The following DOCK9 variants were observed in gnomAD, a reference collection of about 807,000 sequenced individuals.
The protein encoded by DOCK9 is dedicator of cytokinesis protein 9.
DOCK9 carries 89 observed loss-of-function variants against 263.3 expected under a neutral mutation model. That is an observed-to-expected ratio of 0.34 (90% CI 0.28 to 0.40). DOCK9 has a LOEUF of 0.40. DOCK9 is among the 10% of genes least tolerant of loss of function. DOCK9 has a pLI of 1.00. For missense variants in DOCK9, 2,140 were observed against 2,603.4 expected, an observed-to-expected ratio of 0.82 and a Z score of 3.87; for synonymous variants, 976 against 973.1, an observed-to-expected ratio of 1.00 and a Z score of -0.06.
intron 15 of DOCK9, among the ~76,000 whole-genome samples, chr13:98,890,085 G>A (rs372040279): frequency 6.6e-6 from 1 of 152,040 alleles, no homozygotes; most frequent in Admixed American, 6.6e-5. Flanking sequence ...TCATCGTATT[G>A]TGTTTGAGCT....
chr13:98,999,599 G>A (rs879864260), intron 1 of DOCK9, among the ~76,000 whole-genome samples: 5 of 148,464 alleles, frequency 3.4e-5, no homozygotes, highest in Non-Finnish European at 7.4e-5. Flanking sequence ...TTCTTTTCAT[G>A]TTTCTTTTTT....
chr13:98,846,662 G>C (rs1363732507), intron 37 of DOCK9: 3 of 793,706 alleles, frequency 3.8e-6, no homozygotes, highest in Admixed American at 2.0e-5. Context: ...AATGAGACCA[G>C]GGCTGCAATG....
chr13:99,045,278 T>C (rs1295716966), intron 1 of DOCK9, among the ~76,000 whole-genome samples: 2 of 152,130 alleles, frequency 1.3e-5, no homozygotes, highest in African/African-American at 4.8e-5. Context: ...AGTGGATAAA[T>C]GGATAAATAA....
intron 1 of DOCK9, among the ~76,000 whole-genome samples, chr13:99,022,987 T>C (rs1371663736): frequency 1.3e-5 from 2 of 152,112 alleles, no homozygotes; most frequent in Non-Finnish European, 2.9e-5. Context: ...GGGAGAAACA[T>C]TTAAGAAAAA....
intron 33 of DOCK9, 81 bp from the exon 34 acceptor site, chr13:98,856,112 G>GAA: frequency 7.0e-7 from 1 of 1,438,470 alleles, no homozygotes; most frequent in Non-Finnish European, 9.5e-7. Flanking sequence ...AAGGGAAATT[G>GAA]CTTTTATTGC....
At chr13:99,030,307 A>C (rs1041530525) in intron 1 of DOCK9, among the ~76,000 whole-genome samples, 2 of 152,276 alleles carry the variant, frequency 1.3e-5, no homozygotes, top group African/African-American at 4.8e-5. Flanking sequence ...GGCATATGAA[A>C]TAAATCATAA....
At chr13:98,885,480 C>A in intron 20 of DOCK9, 1 of 514,788 alleles carries the variant, frequency 1.9e-6, no homozygotes, top group South Asian at 2.3e-5. Context: ...TGGTGCGTGC[C>A]TGTAGTCCCA....
At chr13:98,914,011 C>T (rs534738774) in intron 9 of DOCK9, among the ~76,000 whole-genome samples, 5 of 152,128 alleles carry the variant, frequency 3.3e-5, no homozygotes, top group African/African-American at 4.8e-5. Flanking sequence ...ATAGAAAGTA[C>T]GATGCTATTA....
intron 14 of DOCK9, among the ~76,000 whole-genome samples, chr13:98,897,893 C>A (rs1479425900): frequency 6.6e-6 from 1 of 152,208 alleles, no homozygotes; most frequent in Non-Finnish European, 1.5e-5. Context: ...CCAGGCCTCA[C>A]TGGATTGCCC....
intron 1 of DOCK9, among the ~76,000 whole-genome samples, chr13:99,030,853 C>T (rs966432972): frequency 1.1e-4 from 16 of 152,200 alleles, no homozygotes. Flanking sequence ...CCACTCCCCA[C>T]ACTAATGTTA....
At chr13:98,918,123 A>G (rs1397976444) in intron 7 of DOCK9, among the ~76,000 whole-genome samples, 2 of 152,232 alleles carry the variant, frequency 1.3e-5, no homozygotes, top group African/African-American at 4.8e-5. Context: ...CTGTTTTCAG[A>G]TAGGGGACAA....
chr13:98,894,330 G>A (rs563418341), intron 15 of DOCK9, among the ~76,000 whole-genome samples: 2 of 152,266 alleles, frequency 1.3e-5, no homozygotes, highest in South Asian at 2.1e-4. Flanking sequence ...TAAAGTGGAA[G>A]GTGAAATATC....
intron 1 of DOCK9, among the ~76,000 whole-genome samples, chr13:99,014,986 A>T (rs760947079): frequency 6.6e-6 from 1 of 152,116 alleles, no homozygotes; most frequent in Non-Finnish European, 1.5e-5. Flanking sequence ...GTTTTCTTTC[A>T]TGCTCCCTTT....
At chr13:99,024,229 A>G (rs1038622387) in intron 1 of DOCK9, among the ~76,000 whole-genome samples, 4 of 152,240 alleles carry the variant, frequency 2.6e-5, no homozygotes, top group Non-Finnish European at 4.4e-5. Flanking sequence ...CAAGGATCAC[A>G]TGAGCGCAGG....
chr13:99,016,595 T>C (rs1885445213), intron 1 of DOCK9, among the ~76,000 whole-genome samples: 1 of 152,224 alleles, frequency 6.6e-6, no homozygotes, highest in African/African-American at 2.4e-5. Context: ...TACTGTAGAC[T>C]GAACTCAGTG....
Position 98,885,737 on chromosome 13 carries a change from G to T in DOCK9, c.2231C>A (p.Thr744Lys), listed in dbSNP as rs368366341. 1.9e-6 allele frequency: 3 copies of T among 1,611,284 alleles called. No individual in the cohort carries two copies. The highest frequency in any genetic ancestry group is 2.2e-5 in the South Asian group (2 of 90,470). Reference protein sequence around the residue: ...VSCDNSSKGSTKKRDVVETQV... With the variant: ...VSCDNSSKGSKKKRDVVETQV... Reference sequence around the variant, plus strand: ...GGTTTCAACGACATCCCTCTTCTTCGTGCTTCCTTTACTTGAGTTGTCACA... The same window carrying T: ...GGTTTCAACGACATCCCTCTTCTTCTTGCTTCCTTTACTTGAGTTGTCACA... Residue 744 changes from threonine (T) to lysine (K), a missense_variant, in exon 20 of 53, where the codon ACG (threonine) becomes AAG (lysine). Transcript: ENST00000682017.
chr13:98,948,475 A>G (rs1238414386), intron 2 of DOCK9, among the ~76,000 whole-genome samples: 2 of 152,228 alleles, frequency 1.3e-5, no homozygotes, highest in Admixed American at 6.5e-5. Context: ...GGATGACAAC[A>G]GTTTCCCACC....
intron 1 of DOCK9, among the ~76,000 whole-genome samples, chr13:99,063,968 G>C (rs2041308371): frequency 6.6e-6 from 1 of 152,166 alleles, no homozygotes; most frequent in African/African-American, 2.4e-5. Flanking sequence ...CACTTTCATA[G>C]CCTCACCTCC....
intron 4 of DOCK9, among the ~76,000 whole-genome samples, chr13:98,925,506 T>G (rs549676014): frequency 6.6e-6 from 1 of 152,330 alleles, no homozygotes; most frequent in African/African-American, 2.4e-5. Context: ...AAGGAAAAAA[T>G]GCACTGCAGC....
Sources: gnomAD v4.1 joint callset for allele counts (sites outside exome capture counted in the v4.1 genomes callset) on GRCh38, gnomAD v4.1.1 for gene constraint, MANE v1.5 for transcripts, NCBI Gene and HGNC (gene_info 2026-07-23, HGNC 2026-07-21) for gene names.